LRP1B: variants seen among roughly 807,000 people sequenced by gnomAD.
LRP1B encodes LDL receptor related protein 1B, also known as low-density lipoprotein receptor-related protein 1B.
Under a neutral mutation model 556.6 loss-of-function variants are expected in LRP1B, and 217 were observed. The observed-to-expected ratio is 0.39, with a 90% confidence interval of 0.35 to 0.44. The LOEUF (loss-of-function observed/expected upper bound fraction) is 0.44. LRP1B is among the 20% of genes least tolerant of loss of function. LRP1B has a pLI of 1.00. For missense variants in LRP1B, 5,053 were observed against 5,620.8 expected (o/e 0.90, Z 3.23); for synonymous variants, 2,047 against 1,865.8 (o/e 1.10, Z -2.50).
intron 1 of LRP1B, among the ~76,000 whole-genome samples, chr2:141,853,561 C>G (rs557648850): frequency 6.6e-6 from 1 of 151,784 alleles, no homozygotes; most frequent in East Asian, 1.9e-4. Context: ...AACAAAAACT[C>G]TTTAAAGCTA....
chr2:141,100,912 A>T (rs1439086497), intron 7 of LRP1B, among the ~76,000 whole-genome samples: 1 of 152,026 alleles, frequency 6.6e-6, no homozygotes, highest in Non-Finnish European at 1.5e-5. Context: ...ATCCCCTAGT[A>T]AAGTTGTTCA....
intron 23 of LRP1B, among the ~76,000 whole-genome samples, chr2:140,897,611 T>A (rs1015139613): frequency 2.0e-5 from 3 of 152,188 alleles, no homozygotes; most frequent in African/African-American, 7.2e-5. Context: ...GGGTACCATC[T>A]AATCAGTTGC....
intron 5 of LRP1B, among the ~76,000 whole-genome samples, chr2:141,242,943 A>G (rs1683933567): frequency 1.3e-5 from 2 of 152,120 alleles, no homozygotes; most frequent in Admixed American, 6.6e-5. Context: ...TTTCAGCCCC[A>G]AGTTTTCACA....
At chr2:141,407,859 C>T (rs1690698883) in intron 3 of LRP1B, among the ~76,000 whole-genome samples, 1 of 152,182 alleles carries the variant, frequency 6.6e-6, no homozygotes, top group African/African-American at 2.4e-5. Flanking sequence ...GTTGTTCCCA[C>T]TTAATATCCA....
At chr2:141,683,500 G>T (rs1691176399) in intron 2 of LRP1B, among the ~76,000 whole-genome samples, 1 of 152,104 alleles carries the variant, frequency 6.6e-6, no homozygotes, top group Non-Finnish European at 1.5e-5. Flanking sequence ...TTACACAGCG[G>T]CAGGAAACAG....
intron 3 of LRP1B, among the ~76,000 whole-genome samples, chr2:141,309,347 CT>C (rs1194426286): frequency 2.6e-5 from 4 of 152,168 alleles, no homozygotes; most frequent in Non-Finnish European, 5.9e-5. Context: ...AATTTTCTGT[CT>C]TCTCCTTCCG....
At chr2:141,926,739 T>C (rs1218580505) in intron 1 of LRP1B, among the ~76,000 whole-genome samples, 1 of 152,162 alleles carries the variant, frequency 6.6e-6, no homozygotes, top group East Asian at 1.9e-4. Context: ...TGTATTTCCT[T>C]CAAATAGATA....
chr2:140,566,041 C>T (rs1681113801), intron 43 of LRP1B, among the ~76,000 whole-genome samples: 1 of 152,142 alleles, frequency 6.6e-6, no homozygotes, highest in Non-Finnish European at 1.5e-5. Context: ...CCCTGCATGG[C>T]TTCTCTGCTA....
intron 2 of LRP1B, among the ~76,000 whole-genome samples, chr2:141,558,368 C>G (rs770176285): frequency 2.6e-5 from 4 of 151,520 alleles, no homozygotes; most frequent in Non-Finnish European, 5.9e-5. Context: ...TTTTTTTTCC[C>G]TTGGCAAGTT....
chr2:141,697,249 C>T (rs1691763567), intron 2 of LRP1B, among the ~76,000 whole-genome samples: 1 of 151,676 alleles, frequency 6.6e-6, no homozygotes, highest in South Asian at 2.1e-4. Context: ...AATTTGTCAC[C>T]CCATGCATTT....
intron 3 of LRP1B, among the ~76,000 whole-genome samples, chr2:141,408,715 A>T (rs1281263551): frequency 6.6e-6 from 1 of 151,920 alleles, no homozygotes; most frequent in Non-Finnish European, 1.5e-5. Context: ...ACTCTATTAA[A>T]CACTGATTTA....
rs145000343 is a variant in LRP1B, at chr2:141,224,899, T to A, written c.850+4284A>T. 5.9e-4 allele frequency among the ~76,000 whole-genome samples: 90 copies of A among 152,148 alleles called. 1 individual carries two copies. The East Asian group carries it at 0.017, about 28-fold the overall frequency. On this transcript the variant is annotated intron_variant, in intron 6 of 90. Transcript: ENST00000389484. ...AATACTTAGATGATGGGTTGATGGG[T>A]GCAGCAAACCACCGCAGTACATGTT...
chr2:140,384,954 A>G (rs747448009), intron 67 of LRP1B, among the ~76,000 whole-genome samples: 86 of 152,332 alleles, frequency 5.6e-4, no homozygotes, highest in Middle Eastern at 3.4e-3. Flanking sequence ...AAAAGTGCCA[A>G]TAAGAAATAT....
chr2:140,372,627 T>C (rs757238244), intron 69 of LRP1B, among the ~76,000 whole-genome samples: 112 of 152,138 alleles, frequency 7.4e-4, no homozygotes, highest in Non-Finnish European at 5.6e-4. Context: ...TAGCATCACA[T>C]TGAAATGATT....
chr2:141,950,113 G>C (rs560645643), intron 1 of LRP1B, among the ~76,000 whole-genome samples: 3 of 151,986 alleles, frequency 2.0e-5, no homozygotes, highest in African/African-American at 4.8e-5. Context: ...CTTTCAATTC[G>C]TCCACTTTTA....
chr2:141,423,290 C>CTT (rs1176569388), intron 3 of LRP1B, among the ~76,000 whole-genome samples: 1 of 68,372 alleles, frequency 1.5e-5, no homozygotes, highest in African/African-American at 5.2e-5. Flanking sequence ...ACAGCCAGAG[C>CTT]TTTTTTTTTT....
intron 7 of LRP1B, among the ~76,000 whole-genome samples, chr2:141,081,754 A>G (rs572251142): frequency 1.3e-5 from 2 of 152,314 alleles, no homozygotes; most frequent in East Asian, 3.9e-4. Flanking sequence ...GCACAGTAGA[A>G]CTTTAATGGA....
At chr2:141,709,331 A>T (rs1692268789) in intron 2 of LRP1B, among the ~76,000 whole-genome samples, 1 of 145,434 alleles carries the variant, frequency 6.9e-6, no homozygotes, top group African/African-American at 2.7e-5. Context: ...CCTGGGCAAC[A>T]GAGTGAGATT....
At chr2:141,084,004 C>A (rs927422652) in intron 7 of LRP1B, among the ~76,000 whole-genome samples, 1 of 152,134 alleles carries the variant, frequency 6.6e-6, no homozygotes, top group Admixed American at 6.5e-5. Context: ...AGTTACTTAA[C>A]CTTTCTGTGG....
Sources: gnomAD v4.1 joint callset for allele counts (sites outside exome capture counted in the v4.1 genomes callset) on GRCh38, gnomAD v4.1.1 for gene constraint, MANE v1.5 for transcripts, NCBI Gene and HGNC (gene_info 2026-07-23, HGNC 2026-07-21) for gene names.